The following DHX9 variants were observed in gnomAD, a reference collection of about 807,000 sequenced individuals.
The protein encoded by DHX9 is DExH-box helicase 9.
DHX9 carries 27 observed loss-of-function variants against 148.7 expected under a neutral mutation model. The ratio of observed to expected loss-of-function variants is 0.18; its 90% CI spans 0.13 to 0.25. DHX9 has a LOEUF of 0.25. Among genes scored for constraint, DHX9 ranks in the 10% least tolerant of loss-of-function variants. DHX9 has a pLI of 1.00. For synonymous variants in DHX9, 529 were observed against 516.6 expected (o/e 1.02, Z -0.33); for missense variants, 796 against 1,559.6 (o/e 0.51, Z 8.25).
At chr1:182,876,388 A>T (rs1161867501) in intron 17 of DHX9, 59 bp from the exon 18 acceptor site, 3 of 1,560,918 alleles carry the variant, frequency 1.9e-6, no homozygotes, top group Non-Finnish European at 2.6e-6. Flanking sequence ...TGTATAATGG[A>T]GAGCTGTTTG....
chr1:182,846,505 A>G (rs900134138), intron 3 of DHX9, among the ~76,000 whole-genome samples: 1 of 152,246 alleles, frequency 6.6e-6, no homozygotes, highest in Non-Finnish European at 1.5e-5. Flanking sequence ...AAGTGCTGGG[A>G]TTACAGGCGT....
At chr1:182,874,126 C>T (rs2102614371) in intron 15 of DHX9, among the ~76,000 whole-genome samples, 1 of 152,288 alleles carries the variant, frequency 6.6e-6, no homozygotes, top group South Asian at 2.1e-4. Context: ...TGTAAATGGT[C>T]TCCCCATTTT....
intron 3 of DHX9, among the ~76,000 whole-genome samples, chr1:182,843,836 T>TA (rs762110621): frequency 6.6e-6 from 1 of 152,240 alleles, no homozygotes. Context: ...CTTGCTCTGT[T>TA]ACCCAAGCTA....
chr1:182,882,415 G>A (rs972654791), intron 24 of DHX9, among the ~76,000 whole-genome samples: 1 of 152,018 alleles, frequency 6.6e-6, no homozygotes, highest in African/African-American at 2.4e-5. Context: ...GTGTAGACTG[G>A]GTAAAAACGT....
chr1:182,842,510 T>C, intron 1 of DHX9, 35 bp from the exon 2 acceptor site: 4 of 1,317,194 alleles, frequency 3.0e-6, no homozygotes, highest in Admixed American at 2.0e-5. Context: ...TTTGCTATTA[T>C]AAATGCTGTT....
chr1:182,843,144 A>C (rs1667961656), intron 2 of DHX9, 150 bp from the exon 3 acceptor site: 2 of 498,380 alleles, frequency 4.0e-6, no homozygotes, highest in South Asian at 1.7e-4. Context: ...TCAGTAGCTC[A>C]TGCATTCTCT....
Position 182,887,217 on chromosome 1 carries a change from A to G in DHX9, c.3596A>G (p.Tyr1199Cys), listed in dbSNP as rs775635627. The change falls in exon 28 of 28, where the codon TAT becomes TGT. Residue 1199 changes from tyrosine (Y) to cysteine (C), a missense_variant. Physicochemically the swap from Tyr to Cys is radical, Grantham distance 194. This residue lies in a region of DHX9 where 98 missense variants were observed against 105.5 expected (regional missense o/e 0.93). Coordinates refer to ENST00000367549, the MANE Select transcript of DHX9 (RefSeq NM_001357.5). ...AGTGGAGGCTATGGTAGCGGAGGCT[A>G]TGGTGGCAGCGCCAACTCCTTTCGG... Reference protein sequence around the residue: ...YSSGGYGSGGYGGSANSFRAG... With the variant: ...YSSGGYGSGGCGGSANSFRAG... The G allele has an allele frequency of 2.9e-5, 47 of 1,613,970 alleles. No homozygotes were observed. Among genetic ancestry groups the G allele is most frequent in the African/African-American group, 4.0e-5 (3 of 74,910 alleles).
chr1:182,843,260 G>T, intron 2 of DHX9, 34 bp from the exon 3 acceptor site: 1 of 1,511,020 alleles, frequency 6.6e-7, no homozygotes, highest in South Asian at 1.3e-5. Context: ...AATTACCCAG[G>T]TCAGTCTCTT....
At chr1:182,856,508 C>G in intron 6 of DHX9, 24 bp from the exon 7 acceptor site, 1 of 1,610,786 alleles carries the variant, frequency 6.2e-7, no homozygotes, top group South Asian at 1.1e-5. Context: ...AAATTTCTAA[C>G]CTTGCTTGTA....
At chr1:182,846,391 T>C (rs893210985) in intron 3 of DHX9, among the ~76,000 whole-genome samples, 3 of 152,158 alleles carry the variant, frequency 2.0e-5, no homozygotes, top group African/African-American at 7.2e-5. Context: ...TGTGCCGCCA[T>C]GCCCGGCTAA....
At position 182,859,089 on chromosome 1, in the gene DHX9, A is replaced by T; in HGVS notation, c.1112A>T (p.Gln371Leu). The T allele has an allele frequency of 1.2e-6, 2 of 1,614,146 alleles. No individual in the cohort carries two copies. The highest frequency in any genetic ancestry group is 1.7e-6 in the Non-Finnish European group (2 of 1,180,008). ...SMDLKNELMY[Q>L]LEQDHDLQAI... Reference sequence around the variant, plus strand: ...GACCTCAAGAATGAATTGATGTACCAGTTGGAACAGGATCATGATTTGCAA... The same window carrying T: ...GACCTCAAGAATGAATTGATGTACCTGTTGGAACAGGATCATGATTTGCAA... Residue 371 changes from glutamine to leucine, a missense_variant, in exon 11 of 28, where the codon CAG becomes CTG. Around this residue, in one of 14 missense-constraint regions of DHX9, gnomAD observed 42 missense variants for 27.1 expected, o/e 1.55. Transcript: ENST00000367549.
At chr1:182,876,979 A>C in intron 19 of DHX9, 76 bp downstream of exon 19, 1 of 1,025,508 alleles carries the variant, frequency 9.8e-7, no homozygotes, top group Non-Finnish European at 1.5e-6. Context: ...CAGAATCAAA[A>C]ACACCTTATT....
intron 6 of DHX9, chr1:182,855,729 G>GTA: frequency 1.0e-6 from 1 of 985,442 alleles, no homozygotes; most frequent in Non-Finnish European, 1.2e-6. Flanking sequence ...TTCACACGAG[G>GTA]TATAGGAAGG....
intron 15 of DHX9, among the ~76,000 whole-genome samples, chr1:182,873,301 T>C (rs1648622682): frequency 6.6e-6 from 1 of 152,130 alleles, no homozygotes; most frequent in Admixed American, 6.5e-5. Flanking sequence ...TCTAGGATAG[T>C]CATCTGGTAG....
Position 182,880,456 on chromosome 1 carries a change from T to G in DHX9, c.2513-41T>G, listed in dbSNP as rs1409496211. On this transcript the variant is annotated intron_variant, in intron 21 of 27. Coordinates refer to ENST00000367549, the MANE Select transcript of DHX9 (RefSeq NM_001357.5). ...TAATGTTTTGTCTGCCTAAAATTAG[T>G]GTTCATTTGTTTCTGCTCACAAAGA... 7 of 1,307,078 alleles carry G rather than the reference T, an allele frequency of 5.4e-6. No homozygotes were observed. The East Asian group carries it at 1.6e-4, about 31-fold the overall frequency. 81.0% of individuals were successfully genotyped at this position (1,307,078 alleles called of 1,614,324 possible). A position where few individuals can be genotyped will look rare whatever the true frequency, so the allele number is the denominator to read the frequency against.
intron 14 of DHX9, among the ~76,000 whole-genome samples, chr1:182,867,442 ACCC>A (rs1648347682): frequency 3.9e-5 from 6 of 152,228 alleles, no homozygotes; most frequent in South Asian, 4.2e-4. Context: ...TTGCTCTGTC[ACCC>A]AGGCTGGAGT....
Position 182,887,921 on chromosome 1 carries a change from G to A in DHX9, c.*487G>A, listed in dbSNP as rs1649408357. Among the ~76,000 whole-genome samples the A allele has an allele frequency of 6.6e-6, 1 of 152,194 alleles. No homozygotes were observed. Among genetic ancestry groups the A allele is most frequent in the Admixed American group, 6.5e-5 (1 of 15,274 alleles). On this transcript the variant is annotated 3_prime_UTR_variant, in exon 28 of 28. Coordinates refer to ENST00000367549, the MANE Select transcript of DHX9 (RefSeq NM_001357.5). ...TGGAATTGAATTGTTACCTTTTGAA[G>A]TAAATACTGGCAAGTGCACAAGCCA...
At chr1:182,864,581 T>A (rs1041305902) in intron 12 of DHX9, among the ~76,000 whole-genome samples, 1 of 152,210 alleles carries the variant, frequency 6.6e-6, no homozygotes, top group Non-Finnish European at 1.5e-5. Context: ...TGAAAAACAC[T>A]TGTATTTTAA....
chr1:182,883,768 T>A, intron 26 of DHX9, 133 bp downstream of exon 26: 2 of 515,134 alleles, frequency 3.9e-6, no homozygotes, highest in East Asian at 6.7e-5. Flanking sequence ...TAATCTTAAA[T>A]TGATACCAGT....
Sources: allele counts gnomAD v4.1 joint callset (sites outside exome capture counted in the v4.1 genomes callset), GRCh38; gene constraint gnomAD v4.1.1; regional missense constraint gnomAD v4.1.1; transcripts MANE v1.5; gene names NCBI Gene and HGNC (gene_info 2026-07-23, HGNC 2026-07-21).